The following RBP2 variants were observed in gnomAD, a reference collection of about 807,000 sequenced individuals.
The protein encoded by RBP2 is retinol binding protein 2, also known as retinol-binding protein 2.
RBP2 carries 17 observed loss-of-function variants against 17.0 expected under a neutral mutation model. The ratio of observed to expected loss-of-function variants is 1.00; its 90% CI spans 0.68 to 1.50. RBP2 has a LOEUF of 1.50. RBP2 is among the 40% of genes most tolerant of loss of function. The pLI is 0.00. For missense variants in RBP2, 158 were observed against 168.2 expected, an observed-to-expected ratio of 0.94 and a Z score of 0.33; for synonymous variants, 48 against 57.1, an observed-to-expected ratio of 0.84 and a Z score of 0.72.
chr3:139,462,592 C>CAT (rs1933230389), intron 1 of RBP2, among the ~76,000 whole-genome samples: 1 of 151,824 alleles, frequency 6.6e-6, no homozygotes, highest in East Asian at 1.9e-4. Flanking sequence ...CACACACACA[C>CAT]ACACACGTCA....
intron 1 of RBP2, among the ~76,000 whole-genome samples, chr3:139,471,739 C>CCTG (rs1933576543): frequency 1.3e-5 from 2 of 152,210 alleles, no homozygotes; most frequent in South Asian, 4.1e-4. Flanking sequence ...CCTCTAGTCA[C>CCTG]CAAATCCAGT....
Position 139,476,375 on chromosome 3 carries a change from TCTC to T in RBP2, c.73+9_73+11del. 1.2e-6 allele frequency: 2 copies of T among 1,612,472 alleles called. No individual in the cohort carries two copies. The highest frequency in any genetic ancestry group is 1.7e-6 in the Non-Finnish European group (2 of 1,178,706). ...CAACAGCTACCCTCCCCATCCCCAG[TCTC>T]CTCCTTACCCAGGGCCTTCATGTAG... On this transcript the variant is annotated intron_variant, in intron 1 of 3. Coordinates refer to ENST00000232217, the MANE Select transcript of RBP2 (RefSeq NM_004164.3).
intron 2 of RBP2, among the ~76,000 whole-genome samples, chr3:139,457,859 C>CT (rs1206420810): frequency 1.3e-5 from 2 of 152,202 alleles, no homozygotes; most frequent in Non-Finnish European, 2.9e-5. Context: ...TCCCACCATG[C>CT]TTTCCACTAT....
chr3:139,472,765 G>T (rs1933608342), intron 1 of RBP2, among the ~76,000 whole-genome samples: 1 of 152,212 alleles, frequency 6.6e-6, no homozygotes. Context: ...TGACGTGGTT[G>T]TTCCAAACCA....
At position 139,476,516 on chromosome 3, in the gene RBP2, G is replaced by C. The variant is rs902275322; in HGVS notation, c.-57C>G. 1.3e-6 allele frequency: 2 copies of C among 1,487,316 alleles called. No homozygotes were observed. The highest frequency in any genetic ancestry group is 1.7e-4 in the Middle Eastern group (1 of 5,798). The allele number at this position is 1,487,316 out of a possible 1,614,324, so 92.1% of individuals were successfully genotyped here. Reference sequence around the variant, plus strand: ...GGTGGATGGCAAGGAGCAGGCTGCAGGGAGAATACACTGGAATGAGCTTCT... The same window carrying C: ...GGTGGATGGCAAGGAGCAGGCTGCACGGAGAATACACTGGAATGAGCTTCT... On this transcript the variant is annotated 5_prime_UTR_variant, in exon 1 of 4. Transcript: ENST00000232217.
intron 2 of RBP2, 148 bp downstream of exon 2, chr3:139,461,964 C>T (rs1933205056): frequency 1.3e-6 from 1 of 762,028 alleles, no homozygotes; most frequent in Non-Finnish European, 2.1e-6. Flanking sequence ...TCAATAATTG[C>T]TCATTGCCAG....
chr3:139,462,364 A>G (rs1933219036), intron 1 of RBP2, 74 bp from the exon 2 acceptor site: 21 of 1,445,460 alleles, frequency 1.5e-5, no homozygotes, highest in Non-Finnish European at 2.0e-5. Flanking sequence ...AAGACCAAAC[A>G]TTCAAGACTA....
intron 2 of RBP2, among the ~76,000 whole-genome samples, chr3:139,456,517 G>A (rs1296096081): frequency 6.6e-6 from 1 of 152,176 alleles, no homozygotes; most frequent in Non-Finnish European, 1.5e-5. Flanking sequence ...CTGCTATGCA[G>A]TCATTGAAAG....
intron 1 of RBP2, among the ~76,000 whole-genome samples, chr3:139,472,862 A>G (rs1933610821): frequency 6.6e-6 from 1 of 152,242 alleles, no homozygotes; most frequent in African/African-American, 2.4e-5. Flanking sequence ...TTGAGAGCAG[A>G]TTCCAGGGTT....
At chr3:139,459,494 A>C (rs1428396925) in intron 2 of RBP2, among the ~76,000 whole-genome samples, 1 of 148,976 alleles carries the variant, frequency 6.7e-6, no homozygotes, top group African/African-American at 2.5e-5. Flanking sequence ...ATGGTGGCGC[A>C]CGCCTGTAAT....
At chr3:139,469,360 G>T (rs1576427011) in intron 1 of RBP2, among the ~76,000 whole-genome samples, 1 of 152,136 alleles carries the variant, frequency 6.6e-6, no homozygotes, top group East Asian at 1.9e-4. Context: ...GAGACCCTAG[G>T]GTGCCTCCCT....
chr3:139,453,777 AT>A (rs1943350804), intron 3 of RBP2, among the ~76,000 whole-genome samples: 1 of 152,254 alleles, frequency 6.6e-6, no homozygotes, highest in Admixed American at 6.5e-5. Flanking sequence ...CACCACAATC[AT>A]TGCAGTTGAC....
intron 2 of RBP2, among the ~76,000 whole-genome samples, chr3:139,459,293 C>T (rs540858361): frequency 2.4e-4 from 37 of 151,996 alleles, no homozygotes; most frequent in African/African-American, 7.2e-4. Context: ...TGGTGGCTCA[C>T]GCCTGTAACC....
Position 139,454,803 on chromosome 3 carries a change from G to T in RBP2, c.280C>A (p.Leu94Ile). The change falls in exon 3 of 4, where the codon CTT becomes ATT. Residue 94 changes from leucine to isoleucine, a missense_variant. Transcript: ENST00000232217. Reference protein sequence around the residue: ...KALVTWEGDVLVCVQKGEKEN... With the variant: ...KALVTWEGDVIVCVQKGEKEN... ...TTCTCCCCCTTTTGCACACACACAA[G>T]GACATCACCTTCCCAGGTGACCAGT... The T allele has an allele frequency of 6.2e-7, 1 of 1,614,158 alleles. No homozygotes were observed. The highest frequency in any genetic ancestry group is 1.1e-5 in the South Asian group (1 of 91,080).
chr3:139,455,386 A>T (rs1943378440), intron 2 of RBP2, among the ~76,000 whole-genome samples: 1 of 152,206 alleles, frequency 6.6e-6, no homozygotes, highest in South Asian at 2.1e-4. Flanking sequence ...CTCACATTAT[A>T]AGAGAAATGC....
rs376118061 is a variant in RBP2 at position 139,453,072 on chromosome 3, T to C, written c.*44A>G. The C allele has an allele frequency of 3.4e-5, 55 of 1,611,130 alleles. No homozygotes were observed. The highest frequency in any genetic ancestry group is 4.5e-5 in the Non-Finnish European group (53 of 1,177,376). On this transcript the variant is annotated 3_prime_UTR_variant, in exon 4 of 4. Transcript: ENST00000232217. ...CTCAAAGCCAGTAGACCACTCAGTGTGGGCAGTGGGGAGCTTGTGCTTGGC... is the reference window on the plus strand; with the variant it reads ...CTCAAAGCCAGTAGACCACTCAGTGCGGGCAGTGGGGAGCTTGTGCTTGGC...
In RBP2 at chr3:139,458,066, TAGAG is replaced by T. The variant is rs1032238256; in HGVS notation, c.253-3240_253-3237del. ...TGTTCAGAAAAAAATATTTGTATGT[TAGAG>T]AGAAAGCATGTGCACATGACAAAGC... is the stretch of plus-strand genomic sequence containing the variant. On this transcript the variant is annotated intron_variant, in intron 2 of 3. Coordinates refer to ENST00000232217, the MANE Select transcript of RBP2 (RefSeq NM_004164.3). 1.1e-4 allele frequency among the ~76,000 whole-genome samples: 16 copies of T among 152,300 alleles called. No homozygotes were observed. The South Asian group carries it at 1.7e-3, about 16-fold the overall frequency.
Position 139,462,271 on chromosome 3 carries a change from G to T in RBP2, c.93C>A (p.Arg31=), listed in dbSNP as rs772051415. ...MKALDIDFAT[R]KIAVRLTQTK... ...TCTGAGTGAGACGTACTGCAATCTT[G>T]CGGGTGGCAAAATCAATATCTGTTG... Residue 31 remains arginine, a synonymous_variant, in exon 2 of 4, where the codon CGC becomes CGA. Transcript: ENST00000232217. The T allele has an allele frequency of 1.2e-6, 2 of 1,614,108 alleles. No individual in the cohort carries two copies. Among genetic ancestry groups the T allele is most frequent in the Non-Finnish European group, 1.7e-6 (2 of 1,180,014 alleles).
chr3:139,462,600 T>TACA (rs1553721843), intron 1 of RBP2, among the ~76,000 whole-genome samples: 2 of 68,456 alleles, frequency 2.9e-5, no homozygotes, highest in African/African-American at 9.5e-5. Context: ...CACACACACG[T>TACA]CACAGCAGCT....
Sources: allele counts gnomAD v4.1 joint callset (sites outside exome capture counted in the v4.1 genomes callset), GRCh38; gene constraint gnomAD v4.1.1; transcripts MANE v1.5; gene names NCBI Gene and HGNC (gene_info 2026-07-23, HGNC 2026-07-21).